Variants in SYNE2 observed in about 807,000 individuals in gnomAD.
SYNE2 encodes nesprin-2.
In SYNE2, 431 loss-of-function variants were observed where a neutral mutation model predicts 856.3. The observed-to-expected ratio is 0.50, with a 90% confidence interval of 0.47 to 0.55. SYNE2 has a LOEUF of 0.55. Among genes scored for constraint, SYNE2 ranks in the 20% least tolerant of loss-of-function variants. The pLI, the probability that SYNE2 is intolerant of heterozygous loss-of-function variation, is 0.00. For synonymous variants in SYNE2, 2,923 were observed against 2,872.3 expected (o/e 1.02, Z -0.56); for missense variants, 8,129 against 8,023.2 (o/e 1.01, Z -0.50).
At chr14:63,990,670 G>A (rs2096659791) in intron 20 of SYNE2, 101 bp downstream of exon 20, 7 of 1,071,586 alleles carry the variant, frequency 6.5e-6, no homozygotes, top group African/African-American at 3.2e-5. Context: ...GCTTGGAAAT[G>A]TTTTGTAAAA....
chr14:64,131,234 C>T (rs776817727), intron 76 of SYNE2, among the ~76,000 whole-genome samples: 1 of 145,370 alleles, frequency 6.9e-6, no homozygotes, highest in Non-Finnish European at 1.5e-5. Flanking sequence ...CTTTTATAAA[C>T]GTCTCTATGT....
chr14:64,202,125 CGAGG>C, intron 99 of SYNE2: 2 of 696,660 alleles, frequency 2.9e-6, no homozygotes. Context: ...GGCAGACTGG[CGAGG>C]GAGATCACAT....
intron 60 of SYNE2, 140 bp from the exon 61 acceptor site, chr14:64,093,209 C>A: frequency 1.1e-6 from 1 of 942,204 alleles, no homozygotes; most frequent in Non-Finnish European, 1.6e-6. Flanking sequence ...TCTGTTTAGG[C>A]TACCACGTCC....
chr14:63,843,125 C>T (rs188870743), intron 1 of SYNE2, among the ~76,000 whole-genome samples: 2 of 152,158 alleles, frequency 1.3e-5, no homozygotes, highest in Non-Finnish European at 2.9e-5. Flanking sequence ...CAACCTCTAC[C>T]TCCCAGGCTC....
chr14:64,009,841 A>T, intron 31 of SYNE2, 125 bp from the exon 32 acceptor site: 1 of 806,944 alleles, frequency 1.2e-6, no homozygotes, highest in Non-Finnish European at 2.0e-6. Flanking sequence ...AAAAAGTATT[A>T]AGAACCACAT....
At chr14:63,836,340 T>G (rs35984502) in intron 1 of SYNE2, among the ~76,000 whole-genome samples, 1 of 152,122 alleles carries the variant, frequency 6.6e-6, no homozygotes, top group African/African-American at 2.4e-5. Flanking sequence ...TTAGAAGTTA[T>G]GTATTCTCAC....
At chr14:63,832,866 CAAAA>C (rs36099684) in intron 1 of SYNE2, among the ~76,000 whole-genome samples, 1 of 64,750 alleles carries the variant, frequency 1.5e-5, no homozygotes, top group Non-Finnish European at 2.9e-5. Context: ...CTGTCTCTAC[CAAAA>C]AAAAAAAAAA....
chr14:64,138,136 C>T (rs192803906), intron 79 of SYNE2, 153 bp downstream of exon 79: 213 of 733,012 alleles, frequency 2.9e-4, no homozygotes, highest in Non-Finnish European at 2.3e-4. Flanking sequence ...GGGCTAAACG[C>T]GATGTAGAAT....
chr14:64,098,763 C>T lies in SYNE2; in HGVS notation c.12323C>T (p.Ser4108Phe), dbSNP rs1021999722. The T allele has an allele frequency of 3.1e-6, 5 of 1,613,846 alleles. No homozygotes were observed. In the African/African-American group the frequency reaches 4.0e-5, roughly 13 times the overall value. Residue 4108 changes from serine to phenylalanine, a missense_variant, in exon 63 of 116, where the codon TCC becomes TTC. Coordinates refer to ENST00000555002, the MANE Select transcript of SYNE2 (RefSeq NM_182914.3). The stretch of plus-strand genomic sequence containing the variant: ...GCCTTTCAGTTGAACAGAAGAGGCT[C>T]CATGTCTTACCTGGCAGCAGTCGAG... ...ASERKLNRRG[S>F]MSYLAAVEEE...
chr14:64,219,410 G>A lies in SYNE2; in HGVS notation c.19860G>A (p.Gln6620=). 1 of 1,613,968 alleles carries A rather than the reference G, an allele frequency of 6.2e-7. No individual in the cohort carries two copies. The highest frequency in any genetic ancestry group is 1.7e-4 in the Middle Eastern group (1 of 6,060). Residue 6620 remains glutamine, a splice_region_variant and synonymous_variant, in exon 110 of 116, where the codon CAG becomes CAA. Transcript: ENST00000555002. The part of the protein sequence containing the change: ...QEIELRVKRL[Q]EILKAFDTYK... ...TAGAACTGAGAGTGAAGAGACTGCA[G>A]GTGAGTTAGAGGTGTGGTGGGGAAG...
At chr14:63,996,272 T>C (rs996997035) in intron 23 of SYNE2, among the ~76,000 whole-genome samples, 16 of 152,224 alleles carry the variant, frequency 1.1e-4, no homozygotes, top group African/African-American at 3.9e-4. Context: ...AGCTTCTTCC[T>C]TCCCAGTGGT....
chr14:64,170,436 A>C lies in SYNE2; in HGVS notation c.17209A>C (p.Thr5737Pro), dbSNP rs576835974. Reference protein sequence around the residue: ...KGQERFSLYQTRSLIHELKNK... With the variant: ...KGQERFSLYQPRSLIHELKNK... Reference sequence around the variant, plus strand: ...CCAGGAGCGCTTCAGCCTCTACCAAACCAGAAGTCTGATCCATGAGCTGAA... The same window carrying C: ...CCAGGAGCGCTTCAGCCTCTACCAACCCAGAAGTCTGATCCATGAGCTGAA... The change falls in exon 94 of 116, where the codon ACC (threonine) becomes CCC (proline). Residue 5737 changes from threonine to proline, a missense_variant. By Grantham distance (38) the Thr-to-Pro change is conservative. Coordinates refer to ENST00000555002, the MANE Select transcript of SYNE2 (RefSeq NM_182914.3). 4.0e-5 allele frequency: 65 copies of C among 1,613,180 alleles called. No individual in the cohort carries two copies. The South Asian group carries it at 7.0e-4, about 17-fold the overall frequency.
intron 56 of SYNE2, 119 bp downstream of exon 56, chr14:64,080,757 C>T: frequency 1.6e-6 from 2 of 1,281,938 alleles, no homozygotes; most frequent in Non-Finnish European, 2.2e-6. Flanking sequence ...GGACTTGAAG[C>T]TGGGGCCATG....
At chr14:64,121,198 T>G in intron 68 of SYNE2, 137 bp downstream of exon 68, 1 of 1,233,100 alleles carries the variant, frequency 8.1e-7, no homozygotes, top group East Asian at 2.5e-5. Context: ...GAGGCCAGCC[T>G]GGGCAACATA....
At chr14:64,117,879 C>T (rs1237523311) in intron 66 of SYNE2, among the ~76,000 whole-genome samples, 1 of 151,992 alleles carries the variant, frequency 6.6e-6, no homozygotes, top group Admixed American at 6.6e-5. Context: ...ACATCCTGGG[C>T]GGGATGGAGC....
At chr14:63,990,339 A>G (rs1160609571) in intron 19 of SYNE2, 72 bp from the exon 20 acceptor site, 20 of 1,490,752 alleles carry the variant, frequency 1.3e-5, no homozygotes, top group African/African-American at 2.8e-5. Context: ...TGGTTTCCTG[A>G]GATTGTTTTG....
intron 101 of SYNE2, chr14:64,209,224 T>C: frequency 1.1e-6 from 1 of 943,764 alleles, no homozygotes; most frequent in Non-Finnish European, 1.6e-6. Context: ...CTCCTGGTTT[T>C]TTAACCTCTG....
At chr14:63,801,084 T>A (rs780278036) in intron 1 of SYNE2, among the ~76,000 whole-genome samples, 101 of 152,312 alleles carry the variant, frequency 6.6e-4, no homozygotes, top group Middle Eastern at 6.8e-3. Flanking sequence ...TAAAAATCTC[T>A]TTAGAAAATT....
chr14:63,865,236 A>G (rs1280933349), intron 1 of SYNE2, among the ~76,000 whole-genome samples: 1 of 128,796 alleles, frequency 7.8e-6, no homozygotes, highest in African/African-American at 3.0e-5. Context: ...GACAGTCAGA[A>G]ATGAATCATA....
Sources: gnomAD v4.1 joint callset for allele counts (sites outside exome capture counted in the v4.1 genomes callset) on GRCh38, gnomAD v4.1.1 for gene constraint, MANE v1.5 for transcripts, NCBI Gene and HGNC (gene_info 2026-07-23, HGNC 2026-07-21) for gene names.